CAST: variants seen among roughly 807,000 people sequenced by gnomAD.
CAST encodes calpastatin, also known as MIR583 host.
CAST carries 76 observed loss-of-function variants against 119.6 expected under a neutral mutation model. The ratio of observed to expected loss-of-function variants is 0.64; its 90% CI spans 0.53 to 0.77. CAST has a LOEUF of 0.77. CAST is among the 30% of genes least tolerant of loss of function. The probability of loss-of-function intolerance (pLI) is 0.00; values close to 1 mark genes in which losing one functional copy is unlikely to be tolerated. For synonymous variants in CAST, 319 were observed against 331.6 expected (o/e 0.96, Z 0.41); for missense variants, 953 against 946.5 (o/e 1.01, Z -0.09).
the CAST span, among the ~76,000 whole-genome samples, chr5:96,000,592 A>C: frequency 6.6e-6 from 1 of 152,222 alleles, no homozygotes; most frequent in Non-Finnish European, 1.5e-5. Context: ...GTATATGTCC[A>C]TAACTACGGA....
chr5:96,192,041 C>T, the CAST span, among the ~76,000 whole-genome samples: 1 of 152,024 alleles, frequency 6.6e-6, no homozygotes, highest in Admixed American at 6.5e-5. Context: ...ATTTGTGCTC[C>T]AAGTTGTCTA....
At chr5:96,568,330 C>T (rs913454611) in intron 1 of CAST, among the ~76,000 whole-genome samples, 9 of 152,034 alleles carry the variant, frequency 5.9e-5, no homozygotes, top group East Asian at 5.8e-4. Context: ...TTTGGGAGGC[C>T]GAAGCAGGCA....
intron 5 of CAST, among the ~76,000 whole-genome samples, chr5:96,727,125 G>A (rs1759397436): frequency 6.6e-6 from 1 of 152,202 alleles, no homozygotes; most frequent in Non-Finnish European, 1.5e-5. Context: ...AAAACACCGT[G>A]TTAGTGGCAT....
chr5:95,977,616 T>C, the CAST span, among the ~76,000 whole-genome samples: 1 of 152,216 alleles, frequency 6.6e-6, no homozygotes, highest in African/African-American at 2.4e-5. Flanking sequence ...TTATGATAGA[T>C]TCTTCCATGA....
the CAST span, among the ~76,000 whole-genome samples, chr5:96,479,507 T>C: frequency 6.9e-6 from 1 of 145,958 alleles, no homozygotes; most frequent in Admixed American, 7.1e-5. Flanking sequence ...TGGAGTGCGG[T>C]GGCTCAATCT....
chr5:96,580,452 G>T (rs117930973), intron 1 of CAST, among the ~76,000 whole-genome samples: 2 of 152,188 alleles, frequency 1.3e-5, no homozygotes, highest in Non-Finnish European at 2.9e-5. Context: ...TAATCTTAAC[G>T]TAAATACTGA....
chr5:96,400,259 A>G, the CAST span: 1 of 972,870 alleles, frequency 1.0e-6, no homozygotes, highest in Non-Finnish European at 1.7e-6. Flanking sequence ...TGCTAACAAT[A>G]AGCATCTCCA....
At chr5:96,507,350 C>T in the CAST span, among the ~76,000 whole-genome samples, 1 of 152,182 alleles carries the variant, frequency 6.6e-6, no homozygotes, top group Admixed American at 6.5e-5. Flanking sequence ...TAAGTCATCA[C>T]TTTGTAACCA....
chr5:96,710,232 A>G (rs1233748539), intron 3 of CAST, among the ~76,000 whole-genome samples: 1 of 152,176 alleles, frequency 6.6e-6, no homozygotes, highest in Non-Finnish European at 1.5e-5. Context: ...ATCTTATGTG[A>G]TCCTTTCTTT....
chr5:96,747,345 G>T lies in CAST; in HGVS notation c.1285G>T (p.Asp429Tyr), dbSNP rs1333639781. ...PSEYRLKPAT[D>Y]KDGKPLLPEP... Reference sequence around the variant, plus strand: ...CAATGAATTTTAATTTCATTTACAGGATAAAGATGGAAAACCACTATTGCC... The same window carrying T: ...CAATGAATTTTAATTTCATTTACAGTATAAAGATGGAAAACCACTATTGCC... The change falls in exon 18 of 32, where the codon GAT becomes TAT. Residue 429 changes from aspartate to tyrosine, a missense_variant and splice_region_variant. Transcript: ENST00000675179. 3 of 1,591,234 alleles carry T rather than the reference G, an allele frequency of 1.9e-6. No individual in the cohort carries two copies. The highest frequency in any genetic ancestry group is 2.6e-6 in the Non-Finnish European group (3 of 1,161,440).
At chr5:96,183,329 AC>A in the CAST span, among the ~76,000 whole-genome samples, 2 of 151,578 alleles carry the variant, frequency 1.3e-5, no homozygotes, top group Non-Finnish European at 2.9e-5. Context: ...TTTCCTGGCT[AC>A]TTTATCTGAC....
At chr5:96,592,938 T>G (rs553417843) in intron 1 of CAST, among the ~76,000 whole-genome samples, 1 of 152,222 alleles carries the variant, frequency 6.6e-6, no homozygotes, top group Admixed American at 6.5e-5. Flanking sequence ...CTAATATTTT[T>G]GTATTTTTAG....
At chr5:95,966,424 G>A in the CAST span, among the ~76,000 whole-genome samples, 1 of 152,136 alleles carries the variant, frequency 6.6e-6, no homozygotes, top group Non-Finnish European at 1.5e-5. Flanking sequence ...GGTACTGAAA[G>A]GACACTGGAC....
At chr5:96,206,252 T>A in the CAST span, among the ~76,000 whole-genome samples, 10 of 152,078 alleles carry the variant, frequency 6.6e-5, no homozygotes, top group Non-Finnish European at 1.0e-4. Context: ...GTTGTGTGAG[T>A]TGTCTATTTA....
At chr5:95,973,903 ACTT>A in the CAST span, among the ~76,000 whole-genome samples, 1 of 152,108 alleles carries the variant, frequency 6.6e-6, no homozygotes. Flanking sequence ...TTGTAGCTAT[ACTT>A]CTTGTAGCCT....
rs749992739 is a variant in CAST at position 96,746,338 on chromosome 5, T to C, written c.1201-4T>C. On this transcript the variant is annotated splice_polypyrimidine_tract_variant and splice_region_variant and intron_variant, in intron 16 of 31. Transcript: ENST00000675179. ...ACTTTTTTTTTCCCCTCCATTTTCA[T>C]CAGGCAAAAGCTAAAGAAGAAAAAC... 4 of 1,582,384 alleles carry C rather than the reference T, an allele frequency of 2.5e-6. No homozygotes were observed. The highest frequency in any genetic ancestry group is 1.1e-5 in the South Asian group (1 of 90,414).
the CAST span, among the ~76,000 whole-genome samples, chr5:96,160,516 T>A: frequency 6.6e-6 from 1 of 152,312 alleles, no homozygotes; most frequent in East Asian, 1.9e-4. Flanking sequence ...CATCTACCGA[T>A]ATACTTTTAG....
chr5:95,978,980 C>T, the CAST span, among the ~76,000 whole-genome samples: 1 of 152,082 alleles, frequency 6.6e-6, no homozygotes, highest in African/African-American at 2.4e-5. Flanking sequence ...TCACACTCAG[C>T]TTCATCACTC....
intron 27 of CAST, among the ~76,000 whole-genome samples, chr5:96,766,492 G>GAGC (rs1699176624): frequency 6.6e-6 from 1 of 152,202 alleles, no homozygotes; most frequent in Non-Finnish European, 1.5e-5. Flanking sequence ...TGTTTAAGGA[G>GAGC]AGCAGAAAAG....
Sources: gnomAD v4.1 joint callset for allele counts (sites outside exome capture counted in the v4.1 genomes callset) on GRCh38, gnomAD v4.1.1 for gene constraint, MANE v1.5 for transcripts, NCBI Gene and HGNC (gene_info 2026-07-23, HGNC 2026-07-21) for gene names.